The following IGSF3 variants were observed in gnomAD, a reference collection of about 807,000 sequenced individuals.
IGSF3 encodes the protein glu-Trp-Ile EWI motif-containing protein 3.
A neutral mutation model predicts 114.4 loss-of-function variants in IGSF3; 23 were observed. That is an observed-to-expected ratio of 0.20 (90% CI 0.14 to 0.28). The LOEUF (loss-of-function observed/expected upper bound fraction) is 0.28. Ranked by LOEUF, IGSF3 falls within the 10% of genes least tolerant of loss-of-function variation. The pLI, the probability that IGSF3 is intolerant of heterozygous loss-of-function variation, is 1.00. For synonymous variants in IGSF3, 571 were observed against 645.2 expected (o/e 0.88, Z 1.74); for missense variants, 1,172 against 1,591.5 (o/e 0.74, Z 4.48).
At position 116,618,056 on chromosome 1, in the gene IGSF3, G is replaced by A. The variant is rs4044831; in HGVS notation, c.44-1599C>T. Among the ~76,000 whole-genome samples the A allele has an allele frequency of 2.9e-3, 438 of 152,332 alleles. No homozygotes were observed. The highest frequency in any genetic ancestry group is 6.8e-3 in the Middle Eastern group (2 of 294). On this transcript the variant is annotated intron_variant, in intron 2 of 10. Transcript: ENST00000369486. This position sits in a 1 kb window ranked among gnomAD's most constrained non-coding sequence, Gnocchi z 4.7. Reference sequence around the variant, plus strand: ...GCAGCTCTCTGCCCAGCCCAGCAGGGGACTGTGCCTCAGTGTAAGCTAATC... The same window carrying A: ...GCAGCTCTCTGCCCAGCCCAGCAGGAGACTGTGCCTCAGTGTAAGCTAATC...
In IGSF3 at chr1:116,662,140, G is replaced by A. The variant is rs1445479223; in HGVS notation, c.43+4144C>T. Among the ~76,000 whole-genome samples, 2 of 151,688 alleles carry A rather than the reference G, an allele frequency of 1.3e-5. No individual in the cohort carries two copies. The highest frequency in any genetic ancestry group is 1.9e-4 in the East Asian group (1 of 5,154). ...GGCTGGAGTGCAACGGCGCGATCTCGGCTCACTGCAACCTCTGCCTCCTGG... is the reference window on the plus strand; with the variant it reads ...GGCTGGAGTGCAACGGCGCGATCTCAGCTCACTGCAACCTCTGCCTCCTGG... On this transcript the variant is annotated intron_variant, in intron 2 of 10. Transcript: ENST00000369486. The surrounding 1 kb of genome is among the most constrained non-coding windows in gnomAD (Gnocchi z 4.3).
In IGSF3 at chr1:116,577,055, A is replaced by G; in HGVS notation, c.*257T>C. 2.1e-6 allele frequency: 1 copy of G among 480,204 alleles called. No individual in the cohort carries two copies. Among genetic ancestry groups the G allele is most frequent in the East Asian group, 3.6e-5 (1 of 27,770 alleles). The allele number at this position is 480,204 out of a possible 1,614,324, so 29.7% of individuals were successfully genotyped here. A position where few individuals can be genotyped will look rare whatever the true frequency, so the allele number is the denominator to read the frequency against. ...GTAGATGTGGCACCTGGAGCTACTC[A>G]CTACATTACTAAAAACAGAAACAAG... is the stretch of plus-strand genomic sequence containing the variant. On this transcript the variant is annotated 3_prime_UTR_variant, in exon 11 of 11. Transcript: ENST00000369486. The surrounding 1 kb of genome is among the most constrained non-coding windows in gnomAD (Gnocchi z 5.7).
rs1659783247 is a variant in IGSF3, at chr1:116,585,170, C to T, written c.2441-118G>A. 1.0e-5 allele frequency: 7 copies of T among 696,192 alleles called. No homozygotes were observed. Among genetic ancestry groups the T allele is most frequent in the South Asian group, 7.3e-5 (3 of 41,172 alleles). 43.1% of individuals were successfully genotyped at this position (696,192 alleles called of 1,614,324 possible). On this transcript the variant is annotated intron_variant, in intron 8 of 10. Coordinates refer to ENST00000369486, the MANE Select transcript of IGSF3 (RefSeq NM_001007237.3). This position sits in a 1 kb window ranked among gnomAD's most constrained non-coding sequence, Gnocchi z 4.9. ...ATACAGAAGGACGGCAGCACACACTCCATTAGGAGAAACGTTTCTCAGATG... is the reference window on the plus strand; with the variant it reads ...ATACAGAAGGACGGCAGCACACACTTCATTAGGAGAAACGTTTCTCAGATG...
rs1424884511 is a variant in IGSF3, at chr1:116,655,929, T to C, written c.43+10355A>G. On this transcript the variant is annotated intron_variant, in intron 2 of 10. Transcript: ENST00000369486. The surrounding 1 kb of genome is among the most constrained non-coding windows in gnomAD (Gnocchi z 4.3). Reference sequence around the variant, plus strand: ...ATACATTAAAATTTAAGGGTAATATTTTTATTATGACTTGCTCTCCTGATA... The same window carrying C: ...ATACATTAAAATTTAAGGGTAATATCTTTATTATGACTTGCTCTCCTGATA... Among the ~76,000 whole-genome samples, 1 of 152,192 alleles carries C rather than the reference T, an allele frequency of 6.6e-6. No individual in the cohort carries two copies. The highest frequency in any genetic ancestry group is 1.5e-5 in the Non-Finnish European group (1 of 68,030).
At chr1:116,609,612 C>G (rs1278480707) in intron 4 of IGSF3, among the ~76,000 whole-genome samples, 1 of 152,108 alleles carries the variant, frequency 6.6e-6, no homozygotes, top group Non-Finnish European at 1.5e-5. Flanking sequence ...CCAGTTCTAG[C>G]TCTGTTCCTC....
rs1184522611 is a variant in IGSF3, at chr1:116,627,386, A to C, written c.44-10929T>G. On this transcript the variant is annotated intron_variant, in intron 2 of 10. Transcript: ENST00000369486. This position sits in a 1 kb window ranked among gnomAD's most constrained non-coding sequence, Gnocchi z 4.7. ...GTCCCCAGATTTTCAGTCTGGGAGAAAGGTGTCTGCTGGATTTCAAACAGT... is the reference window on the plus strand; with the variant it reads ...GTCCCCAGATTTTCAGTCTGGGAGACAGGTGTCTGCTGGATTTCAAACAGT... Among the ~76,000 whole-genome samples, 1 of 152,152 alleles carries C rather than the reference A, an allele frequency of 6.6e-6. No individual in the cohort carries two copies. Among genetic ancestry groups the C allele is most frequent in the Admixed American group, 6.5e-5 (1 of 15,280 alleles).
At chr1:116,586,916 T>C (rs899396158) in intron 8 of IGSF3, among the ~76,000 whole-genome samples, 1 of 151,134 alleles carries the variant, frequency 6.6e-6, no homozygotes. Context: ...TCACCGAAAA[T>C]GCCAATGGGA....
At chr1:116,667,553 A>ACGCCTCCC (rs1192806835) in intron 1 of IGSF3, 65 bp downstream of exon 1, 3 of 52,002 alleles carry the variant, frequency 5.8e-5, no homozygotes, top group East Asian at 7.6e-4. Context: ...TCCCCGCTCC[A>ACGCCTCCC]CGCCTCCCCG....
Position 116,603,474 on chromosome 1 carries a change from T to A in IGSF3, c.1624+150A>T. 4.0e-6 allele frequency: 3 copies of A among 749,568 alleles called. No homozygotes were observed. Among genetic ancestry groups the A allele is most frequent in the Non-Finnish European group, 6.5e-6 (3 of 462,428 alleles). 46.4% of individuals were successfully genotyped at this position (749,568 alleles called of 1,614,324 possible). Reference sequence around the variant, plus strand: ...AATTAAACCCTTATAAGAAATAAAATAGACATAAAGGAAAGTACTTCAAAC... The same window carrying A: ...AATTAAACCCTTATAAGAAATAAAAAAGACATAAAGGAAAGTACTTCAAAC... On this transcript the variant is annotated intron_variant, in intron 6 of 10. Transcript: ENST00000369486. This position sits in a 1 kb window ranked among gnomAD's most constrained non-coding sequence, Gnocchi z 7.1.
chr1:116,629,912 CAG>C lies in IGSF3; in HGVS notation c.44-13457_44-13456del. Among the ~76,000 whole-genome samples, 1 of 152,320 alleles carries C rather than the reference CAG, an allele frequency of 6.6e-6. No homozygotes were observed. Among genetic ancestry groups the C allele is most frequent in the East Asian group, 1.9e-4 (1 of 5,188 alleles). Reference sequence around the variant, plus strand: ...ATTGGATGCCTTCATGAGGCATTAACAGAGACTGTGAGCCCTGATGAAAATCA... The same window carrying C: ...ATTGGATGCCTTCATGAGGCATTAACAGACTGTGAGCCCTGATGAAAATCA... On this transcript the variant is annotated intron_variant, in intron 2 of 10. Coordinates refer to ENST00000369486, the MANE Select transcript of IGSF3 (RefSeq NM_001007237.3). The surrounding 1 kb of genome is among the most constrained non-coding windows in gnomAD (Gnocchi z 4.3).
At chr1:116,631,877 T>C (rs534683321) in intron 2 of IGSF3, among the ~76,000 whole-genome samples, 13 of 152,216 alleles carry the variant, frequency 8.5e-5, no homozygotes, top group Non-Finnish European at 1.5e-4. Context: ...CATGGATCGA[T>C]TTGAGAAAGA....
Position 116,582,656 on chromosome 1 carries a change from C to G in IGSF3, c.2848+1989G>C, listed in dbSNP as rs1031684507. On this transcript the variant is annotated intron_variant, in intron 9 of 10. Transcript: ENST00000369486. The surrounding 1 kb of genome is among the most constrained non-coding windows in gnomAD (Gnocchi z 4.7). ...GTTATGAAACCAGTAAAAATGGTGG[C>G]TATGAAATGCTTTCACAGACATGGG... Among the ~76,000 whole-genome samples the G allele has an allele frequency of 1.3e-5, 2 of 152,060 alleles. No individual in the cohort carries two copies. The highest frequency in any genetic ancestry group is 2.9e-5 in the Non-Finnish European group (2 of 68,024).
rs578079902 is a variant in IGSF3, at chr1:116,617,730, G to C, written c.44-1273C>G. On this transcript the variant is annotated intron_variant, in intron 2 of 10. Coordinates refer to ENST00000369486, the MANE Select transcript of IGSF3 (RefSeq NM_001007237.3). ...TAACATCTGTAAAGACCCTACCACA[G>C]AGCCTAGCCCACAATCAGTCCTCAA... Among the ~76,000 whole-genome samples the C allele has an allele frequency of 2.0e-5, 3 of 152,324 alleles. No individual in the cohort carries two copies. The South Asian group carries it at 6.2e-4, about 32-fold the overall frequency.
intron 7 of IGSF3, among the ~76,000 whole-genome samples, chr1:116,591,835 C>A (rs1482981438): frequency 6.6e-6 from 1 of 152,214 alleles, no homozygotes; most frequent in Non-Finnish European, 1.5e-5. Context: ...GCTAGGAGAG[C>A]CCTGCCCACT....
At position 116,626,725 on chromosome 1, in the gene IGSF3, G is replaced by A. The variant is rs538138856; in HGVS notation, c.44-10268C>T. 2.0e-5 allele frequency among the ~76,000 whole-genome samples: 3 copies of A among 152,078 alleles called. No individual in the cohort carries two copies. The South Asian group carries it at 6.2e-4, about 32-fold the overall frequency. ...TCTATTCTGCTCCTCCTCTCCTATCGCTCATTTCTTTGACTCCATCCTCCA... is the reference window on the plus strand; with the variant it reads ...TCTATTCTGCTCCTCCTCTCCTATCACTCATTTCTTTGACTCCATCCTCCA... On this transcript the variant is annotated intron_variant, in intron 2 of 10. Coordinates refer to ENST00000369486, the MANE Select transcript of IGSF3 (RefSeq NM_001007237.3).
Position 116,584,829 on chromosome 1 carries a change from C to A in IGSF3, c.2664G>T (p.Lys888Asn), listed in dbSNP as rs1352317234. 7 of 1,614,142 alleles carry A rather than the reference C, an allele frequency of 4.3e-6. No individual in the cohort carries two copies. The highest frequency in any genetic ancestry group is 1.3e-5 in the African/African-American group (1 of 74,952). ...YGEQAAKNNL[K>N]GRLHLESPSP... ...AAGGACTCTCCAAATGCAGCCGCCC[C>A]TTCAGATTGTTCTTGGCTGCCTGCT... Residue 888 changes from lysine to asparagine, a missense_variant, in exon 9 of 11, where the codon AAG (lysine) becomes AAT (asparagine). Around this residue, in one of 3 missense-constraint regions of IGSF3, gnomAD observed 423 missense variants for 509.8 expected, o/e 0.83. Transcript: ENST00000369486. This position sits in a 1 kb window ranked among gnomAD's most constrained non-coding sequence, Gnocchi z 5.8.
chr1:116,660,408 T>C lies in IGSF3; in HGVS notation c.43+5876A>G, dbSNP rs565835386. The stretch of plus-strand genomic sequence containing the variant: ...CTTGAACTGCTGAGCTCAAGTGATC[T>C]CCCTGCTTCTGCCTCCCAAAGTGCT... On this transcript the variant is annotated intron_variant, in intron 2 of 10. Transcript: ENST00000369486. Among the ~76,000 whole-genome samples the C allele has an allele frequency of 1.0e-3, 157 of 151,234 alleles. 1 individual carries two copies. Among genetic ancestry groups the C allele is most frequent in the African/African-American group, 3.7e-3 (152 of 41,194 alleles).
Position 116,624,284 on chromosome 1 carries a change from TAA to T in IGSF3, c.44-7829_44-7828del, listed in dbSNP as rs1488710659. On this transcript the variant is annotated intron_variant, in intron 2 of 10. Coordinates refer to ENST00000369486, the MANE Select transcript of IGSF3 (RefSeq NM_001007237.3). This position sits in a 1 kb window ranked among gnomAD's most constrained non-coding sequence, Gnocchi z 4.9. ...CACTGTCACAATCCAGCAGCAAACC[TAA>T]AGTTTGGATCGAATTCCTAAGTCTT... Among the ~76,000 whole-genome samples, 1 of 151,728 alleles carries T rather than the reference TAA, an allele frequency of 6.6e-6. No homozygotes were observed. The highest frequency in any genetic ancestry group is 2.4e-5 in the African/African-American group (1 of 41,270).
Position 116,603,787 on chromosome 1 carries a change from C to A in IGSF3, c.1461G>T (p.Glu487Asp), listed in dbSNP as rs767931346. ...ERSSFGGVQM[E>D]QVQPNSFSLG... Reference sequence around the variant, plus strand: ...GGCTGAACGAGTTGGGCTGCACCTGCTCCATCTGGACGCCCCCAAAGCTGC... The same window carrying A: ...GGCTGAACGAGTTGGGCTGCACCTGATCCATCTGGACGCCCCCAAAGCTGC... The change falls in exon 6 of 11, where the codon GAG becomes GAT. Residue 487 changes from glutamate to aspartate, a missense_variant. Coordinates refer to ENST00000369486, the MANE Select transcript of IGSF3 (RefSeq NM_001007237.3). This position sits in a 1 kb window ranked among gnomAD's most constrained non-coding sequence, Gnocchi z 7.1. The A allele has an allele frequency of 1.2e-6, 2 of 1,614,040 alleles. No homozygotes were observed. The highest frequency in any genetic ancestry group is 8.5e-7 in the Non-Finnish European group (1 of 1,179,878).
Sources: gnomAD v4.1 joint callset for allele counts (sites outside exome capture counted in the v4.1 genomes callset) on GRCh38, gnomAD v4.1.1 for gene constraint, gnomAD v4.1.1 regional missense constraint, Gnocchi (gnomAD v3.1) non-coding constraint, MANE v1.5 for transcripts, NCBI Gene and HGNC (gene_info 2026-07-23, HGNC 2026-07-21) for gene names.